Variants in GALNTL6 observed in about 807,000 individuals in gnomAD.
GALNTL6 encodes the protein polypeptide N-acetylgalactosaminyltransferase like 6, also known as polypeptide N-acetylgalactosaminyltransferase-like 6.
GALNTL6 carries 46 observed loss-of-function variants against 73.7 expected under a neutral mutation model. That is an observed-to-expected ratio of 0.62 (90% CI 0.49 to 0.80). The LOEUF (loss-of-function observed/expected upper bound fraction) is 0.80. Among genes scored for constraint, GALNTL6 ranks in the 30% least tolerant of loss-of-function variants. The pLI, the probability that GALNTL6 is intolerant of heterozygous loss-of-function variation, is 0.00. For missense variants in GALNTL6, 604 were observed against 755.0 expected (o/e 0.80, Z 2.34); for synonymous variants, 259 against 263.7 (o/e 0.98, Z 0.17).
At chr4:172,026,451 T>C (rs1244558157) in intron 2 of GALNTL6, among the ~76,000 whole-genome samples, 1 of 152,160 alleles carries the variant, frequency 6.6e-6, no homozygotes, top group African/African-American at 2.4e-5. Flanking sequence ...GTATCTGCAC[T>C]ATACAATACA....
At chr4:172,636,780 G>A (rs965191266) in intron 5 of GALNTL6, among the ~76,000 whole-genome samples, 3 of 152,120 alleles carry the variant, frequency 2.0e-5, no homozygotes, top group African/African-American at 2.4e-5. Context: ...AAGGCTCCTG[G>A]TAAAAACTGC....
chr4:172,848,438 G>A (rs949808138), intron 7 of GALNTL6, among the ~76,000 whole-genome samples: 7 of 152,146 alleles, frequency 4.6e-5, no homozygotes, highest in Non-Finnish European at 1.5e-5. Context: ...TGAGTATAAT[G>A]GAGCTGCTAT....
intron 2 of GALNTL6, among the ~76,000 whole-genome samples, chr4:171,919,950 A>T (rs1432315361): frequency 6.6e-6 from 1 of 152,208 alleles, no homozygotes; most frequent in Non-Finnish European, 1.5e-5. Flanking sequence ...ATAAAGACAC[A>T]TGCACACGTA....
At chr4:172,173,439 A>C (rs1734897202) in intron 2 of GALNTL6, among the ~76,000 whole-genome samples, 1 of 152,236 alleles carries the variant, frequency 6.6e-6, no homozygotes, top group African/African-American at 2.4e-5. Flanking sequence ...CAGAGGGTGC[A>C]GCTTGTCGAG....
chr4:172,657,643 G>A (rs1161345441), intron 5 of GALNTL6, among the ~76,000 whole-genome samples: 2 of 152,186 alleles, frequency 1.3e-5, no homozygotes, highest in African/African-American at 4.8e-5. Context: ...AGGGAAGGGT[G>A]TGAACTCACA....
Position 172,618,734 on chromosome 4 carries a change from T to C in GALNTL6, c.554-190627T>C, listed in dbSNP as rs954001215. Among the ~76,000 whole-genome samples the C allele has an allele frequency of 2.7e-4, 41 of 152,288 alleles. 1 individual carries two copies. Among genetic ancestry groups the C allele is most frequent in the African/African-American group, 9.4e-4 (39 of 41,556 alleles). The stretch of plus-strand genomic sequence containing the variant: ...TAATAACAAAATCACTGTTTTTGTT[T>C]CTTTTTTTGAGAGGGAGTCTCACTT... On this transcript the variant is annotated intron_variant, in intron 5 of 12. Transcript: ENST00000506823.
chr4:172,369,455 C>T (rs962775132), intron 5 of GALNTL6, among the ~76,000 whole-genome samples: 2 of 152,194 alleles, frequency 1.3e-5, no homozygotes, highest in Non-Finnish European at 2.9e-5. Context: ...GGTGGAGCTG[C>T]CCATCAGTCC....
intron 8 of GALNTL6, among the ~76,000 whole-genome samples, chr4:172,901,178 A>G: frequency 6.6e-6 from 1 of 152,170 alleles, no homozygotes; most frequent in Non-Finnish European, 1.5e-5. Context: ...CATTTCAGAC[A>G]TAGTCCTTCA....
intron 5 of GALNTL6, among the ~76,000 whole-genome samples, chr4:172,566,191 A>T (rs1736548779): frequency 1.3e-5 from 2 of 152,204 alleles, no homozygotes. Context: ...TAGATTTAGT[A>T]CACCTAACAT....
At chr4:172,487,367 CTTCTTTTCTT>C (rs200452023) in intron 5 of GALNTL6, among the ~76,000 whole-genome samples, 24 of 87,002 alleles carry the variant, frequency 2.8e-4, no homozygotes, top group African/African-American at 8.1e-4. Context: ...TCCTTCTTTC[CTTCTTTTCTT>C]TTCTTTTCTT....
intron 3 of GALNTL6, among the ~76,000 whole-genome samples, chr4:172,272,110 G>A (rs919709725): frequency 1.3e-5 from 2 of 151,852 alleles, no homozygotes; most frequent in African/African-American, 2.4e-5. Context: ...GCGCCACCAC[G>A]CCCAGATAAT....
chr4:172,088,269 C>T (rs1203147877), intron 2 of GALNTL6, among the ~76,000 whole-genome samples: 2 of 152,108 alleles, frequency 1.3e-5, no homozygotes, highest in African/African-American at 4.8e-5. Context: ...TTTATGCTTT[C>T]ACTATTACTC....
At chr4:171,905,044 C>T (rs1162893133) in intron 2 of GALNTL6, among the ~76,000 whole-genome samples, 1 of 152,088 alleles carries the variant, frequency 6.6e-6, no homozygotes, top group African/African-American at 2.4e-5. Context: ...AAAATCATGC[C>T]AAAATGTAAA....
chr4:171,837,072 A>G (rs568252118), intron 2 of GALNTL6, among the ~76,000 whole-genome samples: 1 of 152,330 alleles, frequency 6.6e-6, no homozygotes, highest in South Asian at 2.1e-4. Flanking sequence ...CACAATGCGT[A>G]AATGACAAAA....
intron 10 of GALNTL6, among the ~76,000 whole-genome samples, chr4:173,001,187 C>T (rs746484383): frequency 4.6e-5 from 7 of 152,174 alleles, no homozygotes; most frequent in Non-Finnish European, 8.8e-5. Context: ...TCACAGCCCT[C>T]AGGAGGAACC....
At chr4:171,845,212 G>A (rs910434249) in intron 2 of GALNTL6, among the ~76,000 whole-genome samples, 11 of 152,182 alleles carry the variant, frequency 7.2e-5, no homozygotes, top group East Asian at 1.9e-4. Flanking sequence ...AAATTATCCC[G>A]TTTGATTGGA....
chr4:172,229,173 T>C (rs1736967612), intron 2 of GALNTL6, among the ~76,000 whole-genome samples: 1 of 152,206 alleles, frequency 6.6e-6, no homozygotes, highest in African/African-American at 2.4e-5. Context: ...CAAACTTCTA[T>C]ACACAGAGTA....
chr4:172,914,469 T>C (rs904688164), intron 8 of GALNTL6, among the ~76,000 whole-genome samples: 3 of 151,744 alleles, frequency 2.0e-5, no homozygotes, highest in Non-Finnish European at 2.9e-5. Flanking sequence ...GGATAAAGAG[T>C]CAAGACCCAT....
chr4:172,879,222 G>A (rs1745338077), intron 7 of GALNTL6, among the ~76,000 whole-genome samples: 1 of 151,752 alleles, frequency 6.6e-6, no homozygotes, highest in Non-Finnish European at 1.5e-5. Context: ...ACATCAAGGA[G>A]ACATAAAATC....
Sources: allele counts gnomAD v4.1 joint callset (sites outside exome capture counted in the v4.1 genomes callset), GRCh38; gene constraint gnomAD v4.1.1; transcripts MANE v1.5; gene names NCBI Gene and HGNC (gene_info 2026-07-23, HGNC 2026-07-21).